RNF213: variants seen among roughly 807,000 people sequenced by gnomAD.
The protein encoded by RNF213 is E3 ubiquitin-protein ligase RNF213.
RNF213 carries 341 observed loss-of-function variants against 514.4 expected under a neutral mutation model. That is an observed-to-expected ratio of 0.66 (90% CI 0.61 to 0.73). The LOEUF (loss-of-function observed/expected upper bound fraction) is 0.73. Among genes scored for constraint, RNF213 ranks in the 30% least tolerant of loss-of-function variants. The pLI is 0.00. For synonymous variants in RNF213, 2,655 were observed against 2,658.2 expected, an observed-to-expected ratio of 1.00 and a Z score of 0.04; for missense variants, 5,767 against 6,615.6, an observed-to-expected ratio of 0.87 and a Z score of 4.45.
In RNF213 at chr17:80,336,163, A is replaced by G. The variant is rs1206452944; in HGVS notation, c.4312A>G (p.Ile1438Val). ...AACTCCCCTCTTCTCTTCCCCAGGC[A>G]TCAATGAGCTGAAGGTGTTTGTGGA... is the stretch of plus-strand genomic sequence containing the variant. ...ICWVREALGG[I>V]NELKVFVDLA... The change falls in exon 23 of 68, where the codon ATC becomes GTC. Residue 1438 changes from isoleucine (I) to valine (V), a missense_variant and splice_region_variant. By Grantham distance (29) the Ile-to-Val change is conservative. This residue lies in a region of RNF213 where 516 missense variants were observed against 566.5 expected (regional missense o/e 0.91). Coordinates refer to ENST00000582970, the MANE Select transcript of RNF213 (RefSeq NM_001256071.3). 10 of 1,536,862 alleles carry G rather than the reference A, an allele frequency of 6.5e-6. No homozygotes were observed. The highest frequency in any genetic ancestry group is 8.7e-6 in the Non-Finnish European group (10 of 1,146,686).
chr17:80,329,460 TTTCTC>T (rs2046358197), intron 20 of RNF213, among the ~76,000 whole-genome samples: 1 of 152,228 alleles, frequency 6.6e-6, no homozygotes, highest in Non-Finnish European at 1.5e-5. Flanking sequence ...TGTGACCTGT[TTTCTC>T]TTTCTTGAAG....
At position 80,339,670 on chromosome 17, in the gene RNF213, T is replaced by G; in HGVS notation, c.5303T>G (p.Leu1768Arg). ...GTCATGGAAGAGCTCCCGCTGATGCTCTTATCAGAGTTCAGCCTGGTGGAC... is the reference window on the plus strand; with the variant it reads ...GTCATGGAAGAGCTCCCGCTGATGCGCTTATCAGAGTTCAGCCTGGTGGAC... ...RRVMEELPLM[L>R]LSEFSLVDKL... Residue 1768 changes from leucine (L) to arginine (R), a missense_variant, in exon 26 of 68, where the codon CTC becomes CGC. Transcript: ENST00000582970. 6.5e-7 allele frequency: 1 copy of G among 1,537,122 alleles called. No homozygotes were observed. Among genetic ancestry groups the G allele is most frequent in the African/African-American group, 1.4e-5 (1 of 73,124 alleles).
chr17:80,392,693 G>GCC (rs2080526089), intron 67 of RNF213, among the ~76,000 whole-genome samples: 1 of 151,934 alleles, frequency 6.6e-6, no homozygotes, highest in Non-Finnish European at 1.5e-5. Context: ...GGGTTCAAGT[G>GCC]ATTTTCCTGC....
chr17:80,272,069 G>C (rs1158196176), intron 2 of RNF213, among the ~76,000 whole-genome samples: 2 of 151,830 alleles, frequency 1.3e-5, no homozygotes, highest in African/African-American at 4.8e-5. Flanking sequence ...TGGATCATGA[G>C]GTCAGGAGTT....
At chr17:80,284,856 G>A (rs750560274) in intron 3 of RNF213, among the ~76,000 whole-genome samples, 2 of 152,196 alleles carry the variant, frequency 1.3e-5, no homozygotes, top group Non-Finnish European at 2.9e-5. Context: ...GAGAGAGGAA[G>A]CGCTTCCTCA....
chr17:80,386,514 C>A, intron 62 of RNF213, 84 bp downstream of exon 62: 1 of 1,508,208 alleles, frequency 6.6e-7, no homozygotes, highest in Non-Finnish European at 9.2e-7. Flanking sequence ...CAAGCTTCAG[C>A]CCCTTCCCTA....
In RNF213 at chr17:80,343,182, A is replaced by C; in HGVS notation, c.6040A>C (p.Asn2014His). ...RLHDKMKMQL[N>H]VKNVPLKTIR... is the part of the protein sequence containing the mutation. ...GCACGACAAAATGAAGATGCAGTTA[A>C]ACGTGAAAAATGTGCCTCTGAAAAC... Residue 2014 changes from asparagine (N) to histidine (H), a missense_variant, in exon 27 of 68, where the codon AAC (asparagine) becomes CAC (histidine). Coordinates refer to ENST00000582970, the MANE Select transcript of RNF213 (RefSeq NM_001256071.3). This position sits in a 1 kb window ranked among gnomAD's most constrained non-coding sequence, Gnocchi z 4.3. 1 of 1,614,090 alleles carries C rather than the reference A, an allele frequency of 6.2e-7. No individual in the cohort carries two copies. Among genetic ancestry groups the C allele is most frequent in the Non-Finnish European group, 8.5e-7 (1 of 1,179,984 alleles).
chr17:80,333,126 G>A (rs1834261193), intron 21 of RNF213, among the ~76,000 whole-genome samples: 1 of 151,122 alleles, frequency 6.6e-6, no homozygotes, highest in Non-Finnish European at 1.5e-5. Context: ...TTGGCTCACT[G>A]CAAGCTTCGC....
chr17:80,333,089 T>C (rs1255744350), intron 21 of RNF213, among the ~76,000 whole-genome samples: 3 of 151,426 alleles, frequency 2.0e-5, no homozygotes, highest in Non-Finnish European at 4.4e-5. Context: ...CGCTCTGTCG[T>C]CCAGGCTGGA....
At chr17:80,382,012 CG>C in intron 57 of RNF213, 1 of 440,992 alleles carries the variant, frequency 2.3e-6, no homozygotes, top group Non-Finnish European at 4.3e-6. Flanking sequence ...AGCGTCTGCA[CG>C]CAAGTGTTCA....
chr17:80,276,320 G>A (rs2044055429), intron 3 of RNF213, among the ~76,000 whole-genome samples: 1 of 151,328 alleles, frequency 6.6e-6, no homozygotes, highest in Admixed American at 6.6e-5. Context: ...GGCTGGTCTT[G>A]AACTCCTGAC....
At chr17:80,313,373 G>A (rs970592255) in intron 15 of RNF213, among the ~76,000 whole-genome samples, 3 of 152,184 alleles carry the variant, frequency 2.0e-5, no homozygotes, top group Non-Finnish European at 2.9e-5. Flanking sequence ...AAGTGCTGCT[G>A]CACTGCCTCG....
chr17:80,296,043 G>A (rs771592361), intron 10 of RNF213, among the ~76,000 whole-genome samples: 2 of 151,932 alleles, frequency 1.3e-5, no homozygotes, highest in African/African-American at 2.4e-5. Flanking sequence ...CCCCCCAGAC[G>A]GCGTCTCACT....
rs149072554 is a variant in RNF213 at position 80,380,947 on chromosome 17, C to A, written c.13757C>A (p.Thr4586Asn). 3 of 1,614,116 alleles carry A rather than the reference C, an allele frequency of 1.9e-6. No individual in the cohort carries two copies. The highest frequency in any genetic ancestry group is 1.7e-6 in the Non-Finnish European group (2 of 1,180,042). The change falls in exon 56 of 68, where the codon ACT becomes AAT. Residue 4586 changes from threonine (T) to asparagine (N), a missense_variant. Thr to Asn is a moderately conservative substitution (Grantham distance 65, BLOSUM62 0). Around this residue, in one of 13 missense-constraint regions of RNF213, gnomAD observed 1,245 missense variants for 1,339.0 expected, o/e 0.93. Coordinates refer to ENST00000582970, the MANE Select transcript of RNF213 (RefSeq NM_001256071.3). ...PVVFLLIRLLTHLALLLGASQ... is the reference protein window; with the variant it reads ...PVVFLLIRLLNHLALLLGASQ... ...GTCTTCCTCCTTATCCGGCTACTCA[C>A]TCACTTGGCTCTGCTTCTGGGAGCG...
intron 15 of RNF213, among the ~76,000 whole-genome samples, chr17:80,313,652 T>TG (rs2045664389): frequency 3.2e-5 from 2 of 62,722 alleles, no homozygotes; most frequent in African/African-American, 1.4e-4. Context: ...TGGTGATGGT[T>TG]GTGGAGGTGA....
In RNF213 at chr17:80,344,792, G is replaced by A; in HGVS notation, c.6457G>A (p.Gly2153Arg). Reference protein sequence around the residue: ...LSALRSDTEPGMDLWEFCSET... With the variant: ...LSALRSDTEPRMDLWEFCSET... ...TGCCCTGAGGAGTGACACAGAGCCT[G>A]GGATGGATCTGTGGGAGTTCTGCAG... The change falls in exon 29 of 68, where the codon GGG becomes AGG. Residue 2153 changes from glycine to arginine, a missense_variant. Physicochemically the swap from Gly to Arg is moderately radical, Grantham distance 125. Around this residue, in one of 13 missense-constraint regions of RNF213, gnomAD observed 1,377 missense variants for 1,635.2 expected, o/e 0.84. Coordinates refer to ENST00000582970, the MANE Select transcript of RNF213 (RefSeq NM_001256071.3). 6.2e-7 allele frequency: 1 copy of A among 1,614,176 alleles called. No homozygotes were observed. Among genetic ancestry groups the A allele is most frequent in the Non-Finnish European group, 8.5e-7 (1 of 1,180,036 alleles).
intron 36 of RNF213, chr17:80,354,887 GGCT>G: frequency 2.4e-6 from 1 of 414,268 alleles, no homozygotes; most frequent in South Asian, 2.2e-5. Flanking sequence ...CCCTAGAAAG[GGCT>G]GCTGTTTTCA....
chr17:80,361,707 G>T (rs980721603), intron 38 of RNF213, 27 bp from the exon 39 acceptor site: 3 of 1,610,854 alleles, frequency 1.9e-6, no homozygotes, highest in Non-Finnish European at 2.5e-6. Flanking sequence ...ACGCACTCCA[G>T]GCCGCTCCTT....
rs763347545 is a variant in RNF213 at position 80,360,055 on chromosome 17, T to C, written c.11055-6T>C. The C allele has an allele frequency of 1.7e-5, 27 of 1,613,650 alleles. No homozygotes were observed. Among genetic ancestry groups the C allele is most frequent in the Middle Eastern group, 1.6e-4 (1 of 6,084 alleles). ...CCTCTTCTTATCATCCCTCACCTTA[T>C]TGCAGACATAAAGGTGAGATGGCCT... On this transcript the variant is annotated splice_region_variant and splice_polypyrimidine_tract_variant and intron_variant, in intron 37 of 67. Coordinates refer to ENST00000582970, the MANE Select transcript of RNF213 (RefSeq NM_001256071.3).
Sources: allele counts gnomAD v4.1 joint callset (sites outside exome capture counted in the v4.1 genomes callset), GRCh38; gene constraint gnomAD v4.1.1; regional missense constraint gnomAD v4.1.1; non-coding constraint Gnocchi (gnomAD v3.1); transcripts MANE v1.5; gene names NCBI Gene and HGNC (gene_info 2026-07-23, HGNC 2026-07-21).